The following CPLANE1 variants were observed in gnomAD, a reference collection of about 807,000 sequenced individuals.
CPLANE1 encodes ciliogenesis and planar polarity effector 1.
In CPLANE1, 263 loss-of-function variants were observed where a neutral mutation model predicts 362.5. The ratio of observed to expected loss-of-function variants is 0.73; its 90% CI spans 0.66 to 0.80. The LOEUF (loss-of-function observed/expected upper bound fraction) is 0.80. Ranked by LOEUF, CPLANE1 falls within the 30% of genes least tolerant of loss-of-function variation. The pLI, the probability that CPLANE1 is intolerant of heterozygous loss-of-function variation, is 0.00. For missense variants in CPLANE1, 3,461 were observed against 3,793.4 expected, an observed-to-expected ratio of 0.91 and a Z score of 2.30; for synonymous variants, 1,212 against 1,302.6, an observed-to-expected ratio of 0.93 and a Z score of 1.50.
the CPLANE1 span, among the ~76,000 whole-genome samples, chr5:37,077,081 T>TAAGA: frequency 1.3e-5 from 2 of 152,110 alleles, no homozygotes; most frequent in South Asian, 2.1e-4. Flanking sequence ...ACCTTATTTG[T>TAAGA]AAGAAGAGGG....
chr5:37,209,515 C>A lies in CPLANE1; in HGVS notation c.2921-3090G>T. On this transcript the variant is annotated intron_variant, in intron 16 of 52. Transcript: ENST00000651892. The surrounding 1 kb of genome is among the most constrained non-coding windows in gnomAD (Gnocchi z 4.6). ...CAGCTAATTCATGAGTTAATGCACC[C>A]TGTATTGAGTGGAGAACTGCAACCT... 7.8e-7 allele frequency: 1 copy of A among 1,277,786 alleles called. No individual in the cohort carries two copies. Among genetic ancestry groups the A allele is most frequent in the Non-Finnish European group, 1.1e-6 (1 of 874,828 alleles). The allele number at this position is 1,277,786 out of a possible 1,614,324, so 79.2% of individuals were successfully genotyped here.
At chr5:37,081,343 C>T in the CPLANE1 span, among the ~76,000 whole-genome samples, 1 of 149,278 alleles carries the variant, frequency 6.7e-6, no homozygotes, top group Non-Finnish European at 1.5e-5. Flanking sequence ...GAGACAGAGT[C>T]TCTCTCTCTC....
At chr5:37,210,309 C>A (rs1477026563) in intron 16 of CPLANE1, 3 of 1,477,640 alleles carry the variant, frequency 2.0e-6, no homozygotes, top group Non-Finnish European at 1.9e-6. Flanking sequence ...GAACCAGAAG[C>A]TCCAGGAAGA....
At chr5:37,238,521 G>A (rs1175116648) in intron 8 of CPLANE1, among the ~76,000 whole-genome samples, 2 of 138,088 alleles carry the variant, frequency 1.4e-5, no homozygotes, top group African/African-American at 2.7e-5. Context: ...TTGAGATAGG[G>A]TCTTGCTCTG....
intron 19 of CPLANE1, 131 bp from the exon 20 acceptor site, chr5:37,198,997 T>A (rs1015686650): frequency 1.6e-5 from 13 of 803,782 alleles, no homozygotes; most frequent in Non-Finnish European, 2.5e-5. Context: ...TTTGGAAGGC[T>A]GAAGCAGGAG....
Position 37,158,021 on chromosome 5 carries a change from A to G in CPLANE1, c.7813-153T>C, listed in dbSNP as rs10512664. The G allele has an allele frequency of 0.21, 164,651 of 770,104 alleles. 19,150 individuals carry two copies. The highest frequency in any genetic ancestry group is 0.35 in the East Asian group (12,643 of 35,974). The allele number at this position is 770,104 out of a possible 1,614,324, so 47.7% of individuals were successfully genotyped here. Reference sequence around the variant, plus strand: ...AGGGCCTGAATGTGCCTAACTTAGGAAAAGGAGCAGGAAGTATGTATTATT... The same window carrying G: ...AGGGCCTGAATGTGCCTAACTTAGGGAAAGGAGCAGGAAGTATGTATTATT... On this transcript the variant is annotated intron_variant, in intron 39 of 52. Transcript: ENST00000651892.
At chr5:37,079,292 C>A in the CPLANE1 span, among the ~76,000 whole-genome samples, 1,020 of 152,118 alleles carry the variant, frequency 6.7e-3, 9 homozygotes, top group African/African-American at 0.023. Context: ...TCTCCCAGCA[C>A]CATTGATTAA....
chr5:37,224,705 G>C lies in CPLANE1; in HGVS notation c.2327C>G (p.Thr776Ser). 6.4e-7 allele frequency: 1 copy of C among 1,551,176 alleles called. No homozygotes were observed. The highest frequency in any genetic ancestry group is 1.2e-5 in the South Asian group (1 of 84,038). The change falls in exon 13 of 53, where the codon ACT (threonine) becomes AGT (serine). Residue 776 changes from threonine to serine, a missense_variant. Thr to Ser is a moderately conservative substitution (Grantham distance 58, BLOSUM62 1). Around this residue, in one of 2 missense-constraint regions of CPLANE1, gnomAD observed 3,380 missense variants for 3,666.1 expected, o/e 0.92. Transcript: ENST00000651892. ...LILWRILYKKTLWYQAQLNRR... is the reference protein window; with the variant it reads ...LILWRILYKKSLWYQAQLNRR... ...ATTTAATTGTGCTTGATACCATAAA[G>C]TTTTTTTGTACAGTATTCTCCAGAG...
chr5:37,101,939 T>G (rs991251622), downstream of CPLANE1, among the ~76,000 whole-genome samples: 1 of 152,102 alleles, frequency 6.6e-6, no homozygotes, highest in African/African-American at 2.4e-5. Flanking sequence ...GTGGGGTCAG[T>G]GGTGATATCC....
chr5:37,115,657 C>T lies in CPLANE1; in HGVS notation c.9311-608G>A, dbSNP rs1192163333. Reference sequence around the variant, plus strand: ...CTGTCACCAGGCTGCAGTACAGTGGCGTGATCTCCACTCACTGCAACCTCC... The same window carrying T: ...CTGTCACCAGGCTGCAGTACAGTGGTGTGATCTCCACTCACTGCAACCTCC... On this transcript the variant is annotated intron_variant, in intron 50 of 52. Coordinates refer to ENST00000651892, the MANE Select transcript of CPLANE1 (RefSeq NM_001384732.1). Among the ~76,000 whole-genome samples, 124 of 143,374 alleles carry T rather than the reference C, an allele frequency of 8.6e-4. 1 individual carries two copies. The highest frequency in any genetic ancestry group is 1.6e-4 in the Non-Finnish European group (11 of 67,000). The allele number at this position is 143,374 out of a possible 152,430, so 94.1% of individuals were successfully genotyped here. A position where few individuals can be genotyped will look rare whatever the true frequency, so the allele number is the denominator to read the frequency against.
At chr5:37,181,406 C>A (rs1171958467) in intron 26 of CPLANE1, among the ~76,000 whole-genome samples, 2 of 152,158 alleles carry the variant, frequency 1.3e-5, no homozygotes, top group African/African-American at 2.4e-5. Flanking sequence ...AAGGTACATC[C>A]TTTTTGTCTC....
In CPLANE1 at chr5:37,209,276, C is replaced by T; in HGVS notation, c.2921-2851G>A. ...GGGCTCTGGAGGGCAGGGATTCCCC[C>T]TCGTCTTGGCCCTACAGCCCCAGCT... is the stretch of plus-strand genomic sequence containing the variant. On this transcript the variant is annotated intron_variant, in intron 16 of 52. Coordinates refer to ENST00000651892, the MANE Select transcript of CPLANE1 (RefSeq NM_001384732.1). The surrounding 1 kb of genome is among the most constrained non-coding windows in gnomAD (Gnocchi z 4.6). 1.4e-6 allele frequency: 1 copy of T among 720,246 alleles called. No individual in the cohort carries two copies. Among genetic ancestry groups the T allele is most frequent in the East Asian group, 2.6e-5 (1 of 38,718 alleles). The allele number at this position is 720,246 out of a possible 1,614,324, so 44.6% of individuals were successfully genotyped here.
At position 37,106,323 on chromosome 5, in the gene CPLANE1, G is replaced by C. The variant is rs1015202712; in HGVS notation, c.*1279C>G. Reference sequence around the variant, plus strand: ...GTATCCAACAATGGATAAATAGCTAGAAGAAAAGGTTTGAATGTTTCCAAC... The same window carrying C: ...GTATCCAACAATGGATAAATAGCTACAAGAAAAGGTTTGAATGTTTCCAAC... On this transcript the variant is annotated 3_prime_UTR_variant, in exon 53 of 53. Transcript: ENST00000651892. 1 of 154,120 alleles carries C rather than the reference G, an allele frequency of 6.5e-6. No individual in the cohort carries two copies. Among genetic ancestry groups the C allele is most frequent in the Admixed American group, 6.5e-5 (1 of 15,268 alleles). 9.5% of individuals were successfully genotyped at this position (154,120 alleles called of 1,614,324 possible). A position where few individuals can be genotyped will look rare whatever the true frequency, so the allele number is the denominator to read the frequency against.
the CPLANE1 span, among the ~76,000 whole-genome samples, chr5:37,079,165 T>C: frequency 5.9e-5 from 9 of 152,346 alleles, no homozygotes; most frequent in African/African-American, 2.2e-4. Flanking sequence ...GATTTTCTTC[T>C]AGGGATTTTA....
In CPLANE1 at chr5:37,205,374, C is replaced by T. The variant is rs1301115182; in HGVS notation, c.3230G>A (p.Gly1077Asp). 1.3e-6 allele frequency: 2 copies of T among 1,550,892 alleles called. No homozygotes were observed. Among genetic ancestry groups the T allele is most frequent in the South Asian group, 2.4e-5 (2 of 83,946 alleles). ...TTTTGCTTCCAAAGAGGCTGGTTGACCTAAAACACACTGCAGTTTTTCCTG... is the reference window on the plus strand; with the variant it reads ...TTTTGCTTCCAAAGAGGCTGGTTGATCTAAAACACACTGCAGTTTTTCCTG... Reference protein sequence around the residue: ...IFQEKLQCVLGQPASLEAKNE... With the variant: ...IFQEKLQCVLDQPASLEAKNE... Residue 1077 changes from glycine (G) to aspartate (D), a missense_variant, in exon 18 of 53, where the codon GGT becomes GAT. Coordinates refer to ENST00000651892, the MANE Select transcript of CPLANE1 (RefSeq NM_001384732.1).
chr5:37,182,832 G>T lies in CPLANE1; in HGVS notation c.5349C>A (p.Ala1783=). The part of the protein sequence containing the change: ...PVIRVKTSTA[A]ILTSLWLLEQ... ...CCAAAAGCCATAATGATGTAAGAAT[G>T]GCAGCTGTAGAGGTCTTTACACGAA... Residue 1783 remains alanine, a synonymous_variant, in exon 26 of 53, where the codon GCC becomes GCA. Transcript: ENST00000651892. 1 of 1,613,550 alleles carries T rather than the reference G, an allele frequency of 6.2e-7. No homozygotes were observed. Among genetic ancestry groups the T allele is most frequent in the East Asian group, 2.2e-5 (1 of 44,834 alleles).
the CPLANE1 span, among the ~76,000 whole-genome samples, chr5:37,096,679 A>G: frequency 6.6e-6 from 1 of 152,234 alleles, no homozygotes; most frequent in African/African-American, 2.4e-5. Flanking sequence ...ACTAATAGCC[A>G]GAATCTACAA....
At chr5:37,113,478 G>C (rs1255627469) in intron 51 of CPLANE1, among the ~76,000 whole-genome samples, 1 of 152,188 alleles carries the variant, frequency 6.6e-6, no homozygotes, top group East Asian at 1.9e-4. Context: ...TGTGTTAGCA[G>C]CATGAGAACA....
chr5:37,087,357 C>A, the CPLANE1 span, among the ~76,000 whole-genome samples: 1 of 152,270 alleles, frequency 6.6e-6, no homozygotes, highest in Admixed American at 6.5e-5. Flanking sequence ...CCTCCTTTTC[C>A]CTCAGCCCCA....
Sources: allele counts gnomAD v4.1 joint callset (sites outside exome capture counted in the v4.1 genomes callset), GRCh38; gene constraint gnomAD v4.1.1; regional missense constraint gnomAD v4.1.1; non-coding constraint Gnocchi (gnomAD v3.1); transcripts MANE v1.5; gene names NCBI Gene and HGNC (gene_info 2026-07-23, HGNC 2026-07-21).